The following SUPT20H variants were observed in gnomAD, a reference collection of about 807,000 sequenced individuals.
SUPT20H encodes SPT20 homolog, SAGA complex component.
SUPT20H carries 82 observed loss-of-function variants against 122.8 expected under a neutral mutation model. The ratio of observed to expected loss-of-function variants is 0.67; its 90% CI spans 0.56 to 0.80. The LOEUF is 0.80. SUPT20H is among the 30% of genes least tolerant of loss of function. The probability of loss-of-function intolerance (pLI) is 0.00; values close to 1 mark genes in which losing one functional copy is unlikely to be tolerated. For synonymous variants in SUPT20H, 291 were observed against 313.0 expected (o/e 0.93, Z 0.74); for missense variants, 831 against 921.6 (o/e 0.90, Z 1.27).
At chr13:37,009,948 G>T in intron 25 of SUPT20H, 139 bp from the exon 26 acceptor site, 1 of 1,202,936 alleles carries the variant, frequency 8.3e-7, no homozygotes, top group Non-Finnish European at 1.1e-6. Flanking sequence ...ACCACATTGA[G>T]ACAATGCACA....
chr13:37,018,359 T>C (rs1459502626), intron 22 of SUPT20H, among the ~76,000 whole-genome samples: 2 of 152,138 alleles, frequency 1.3e-5, no homozygotes, highest in African/African-American at 4.8e-5. Flanking sequence ...CAAATGCAAT[T>C]TGTGGGCTTG....
chr13:37,037,526 C>T (rs569014685), intron 9 of SUPT20H, among the ~76,000 whole-genome samples: 1 of 152,198 alleles, frequency 6.6e-6, no homozygotes, highest in Non-Finnish European at 1.5e-5. Flanking sequence ...ATTCAAGAAA[C>T]TATCTGAGCA....
intron 20 of SUPT20H, among the ~76,000 whole-genome samples, 181 bp downstream of exon 20, chr13:37,021,830 T>A (rs573005015): frequency 6.6e-6 from 1 of 152,280 alleles, no homozygotes; most frequent in South Asian, 2.1e-4. Context: ...TTAGTGCAGT[T>A]AACAGATGTA....
At chr13:37,052,376 T>G (rs1354468534) in intron 1 of SUPT20H, among the ~76,000 whole-genome samples, 1 of 152,074 alleles carries the variant, frequency 6.6e-6, no homozygotes, top group Non-Finnish European at 1.5e-5. Flanking sequence ...ACCACACATC[T>G]ACAACCATCT....
chr13:37,012,994 T>C (rs1192138222), intron 23 of SUPT20H: 1 of 152,154 alleles, frequency 6.6e-6, no homozygotes, highest in Non-Finnish European at 1.5e-5. Flanking sequence ...ACATATACTA[T>C]GTTCATGTAC....
chr13:37,022,149 C>A lies in SUPT20H; in HGVS notation c.1592-69G>T, dbSNP rs1363018805. ...TACAGGCATTGCCTGGCTCAGAGAC[C>A]TTTGCTGCTGAGCAAACTGAGTTAA... On this transcript the variant is annotated intron_variant, in intron 19 of 25. Transcript: ENST00000350612. This position sits in a 1 kb window ranked among gnomAD's most constrained non-coding sequence, Gnocchi z 4.5. 1 of 1,613,838 alleles carries A rather than the reference C, an allele frequency of 6.2e-7. No homozygotes were observed. Among genetic ancestry groups the A allele is most frequent in the African/African-American group, 1.3e-5 (1 of 74,894 alleles).
At chr13:37,027,892 T>C (rs1212899497) in intron 14 of SUPT20H, among the ~76,000 whole-genome samples, 1 of 152,174 alleles carries the variant, frequency 6.6e-6, no homozygotes, top group Non-Finnish European at 1.5e-5. Context: ...AAGAAGGATA[T>C]CACAGGAATA....
intron 9 of SUPT20H, chr13:37,039,670 C>A (rs1412594322): frequency 6.6e-6 from 1 of 151,934 alleles, no homozygotes; most frequent in African/African-American, 2.4e-5. Context: ...ACCTTACAGT[C>A]CAGATTTGGC....
chr13:37,012,328 A>T, intron 23 of SUPT20H, 31 bp from the exon 24 acceptor site: 1 of 1,567,764 alleles, frequency 6.4e-7, no homozygotes, highest in East Asian at 2.2e-5. Context: ...TGACTTGTAC[A>T]AGAAAGAAAA....
chr13:37,031,428 T>C (rs912990922), intron 12 of SUPT20H, 139 bp downstream of exon 12: 8 of 472,260 alleles, frequency 1.7e-5, no homozygotes, highest in Non-Finnish European at 2.9e-5. Context: ...ATATTGTTTT[T>C]AAAAAACTTG....
intron 4 of SUPT20H, 52 bp downstream of exon 4, chr13:37,047,826 G>C: frequency 6.7e-7 from 1 of 1,501,344 alleles, no homozygotes; most frequent in Non-Finnish European, 9.0e-7. Flanking sequence ...ATAAAAGGTA[G>C]CTATCATCAT....
At chr13:37,028,003 C>T in intron 14 of SUPT20H, 145 bp downstream of exon 14, 1 of 679,028 alleles carries the variant, frequency 1.5e-6, no homozygotes. Context: ...CTTAGGTCTA[C>T]CGCCAAATCT....
chr13:37,057,908 A>C (rs1367882599), intron 1 of SUPT20H, among the ~76,000 whole-genome samples: 1 of 139,016 alleles, frequency 7.2e-6, no homozygotes, highest in Non-Finnish European at 1.5e-5. Flanking sequence ...TGGGAGGTGG[A>C]GGCTGCAGTG....
chr13:37,015,509 AC>A (rs2060305437), intron 23 of SUPT20H, among the ~76,000 whole-genome samples: 1 of 151,878 alleles, frequency 6.6e-6, no homozygotes. Flanking sequence ...TTCCCTAAAG[AC>A]CCAACCACCA....
At chr13:37,033,629 T>G (rs2063805172) in intron 9 of SUPT20H, 41 bp from the exon 10 acceptor site, 1 of 1,593,790 alleles carries the variant, frequency 6.3e-7, no homozygotes, top group Admixed American at 1.7e-5. Context: ...AGATTTAAGA[T>G]TTTCAAATAT....
intron 23 of SUPT20H, chr13:37,013,801 A>G (rs994930565): frequency 1.3e-5 from 2 of 152,100 alleles, no homozygotes; most frequent in Admixed American, 6.5e-5. Context: ...TGGACAAAAG[A>G]GCACAGAGCT....
intron 22 of SUPT20H, among the ~76,000 whole-genome samples, chr13:37,018,136 A>T (rs2060848606): frequency 1.3e-5 from 2 of 152,142 alleles, no homozygotes; most frequent in Admixed American, 6.6e-5. Context: ...AAAAAAAAAT[A>T]AAAAATCCTT....
At position 37,021,499 on chromosome 13, in the gene SUPT20H, C is replaced by T. The variant is rs929696737; in HGVS notation, c.1765G>A (p.Gly589Ser). ...CTGGGCAGTGCATTTGGTAGCAGAC[C>T]TCCTGAGGGTAGAAGGCCGCTCAGG... ...INLSGLLPSG[G>S]LLPNALPSAM... is the part of the protein sequence containing the mutation. Residue 589 changes from glycine (G) to serine (S), a missense_variant, in exon 21 of 26, where the codon GGT becomes AGT. Gly to Ser is a moderately conservative substitution (Grantham distance 56). Coordinates refer to ENST00000350612, the MANE Select transcript of SUPT20H (RefSeq NM_001014286.3). 4 of 1,613,770 alleles carry T rather than the reference C, an allele frequency of 2.5e-6. No individual in the cohort carries two copies. In the African/African-American group the frequency reaches 4.0e-5, roughly 16 times the overall value.
At chr13:37,058,778 ATC>A (rs1247957376) in intron 1 of SUPT20H, among the ~76,000 whole-genome samples, 3 of 152,208 alleles carry the variant, frequency 2.0e-5, no homozygotes, top group Non-Finnish European at 4.4e-5. Flanking sequence ...TCAAACCGGC[ATC>A]TGTTTTTACA....
Sources: gnomAD v4.1 joint callset for allele counts (sites outside exome capture counted in the v4.1 genomes callset) on GRCh38, gnomAD v4.1.1 for gene constraint, Gnocchi (gnomAD v3.1) non-coding constraint, MANE v1.5 for transcripts, NCBI Gene and HGNC (gene_info 2026-07-23, HGNC 2026-07-21) for gene names.